The following RNF34 variants were observed in gnomAD, a reference collection of about 807,000 sequenced individuals.
RNF34 encodes ring finger protein 34.
In RNF34, 12 loss-of-function variants were observed where a neutral mutation model predicts 37.9. The ratio of observed to expected loss-of-function variants is 0.32; its 90% CI spans 0.20 to 0.51. The LOEUF (loss-of-function observed/expected upper bound fraction) is 0.51, where lower values mean the gene tolerates loss of function less well. RNF34 is among the 20% of genes least tolerant of loss of function. RNF34 has a pLI of 0.97. For synonymous variants in RNF34, 155 were observed against 177.2 expected, an observed-to-expected ratio of 0.87 and a Z score of 1.00; for missense variants, 362 against 472.7, an observed-to-expected ratio of 0.77 and a Z score of 2.17.
At chr12:121,421,852 A>G (rs1223657114) in intron 5 of RNF34, among the ~76,000 whole-genome samples, 1 of 152,174 alleles carries the variant, frequency 6.6e-6, no homozygotes, top group Non-Finnish European at 1.5e-5. Context: ...CCCTCCCATC[A>G]TTAACTTTTA....
intron 4 of RNF34, 111 bp from the exon 5 acceptor site, chr12:121,420,466 C>T (rs552464462): frequency 1.3e-6 from 2 of 1,560,344 alleles, no homozygotes; most frequent in African/African-American, 1.4e-5. Context: ...TACTGAAACA[C>T]TTCTAGGACT....
intron 1 of RNF34, among the ~76,000 whole-genome samples, chr12:121,404,362 CT>C (rs1231032069): frequency 7.4e-6 from 1 of 134,710 alleles, no homozygotes; most frequent in East Asian, 2.2e-4. Flanking sequence ...CCCTATACTT[CT>C]CTTGTGTCTG....
rs1555283666 is a variant in RNF34, at chr12:121,423,037, AC to A, written c.929-348del. ...AGCATCCTGACTCCAAAGCCCATCT[AC>A]AGAAGACCAGCTGAGGGTTTCTTTT... On this transcript the variant is annotated intron_variant, in intron 5 of 5. Coordinates refer to ENST00000361234, the MANE Select transcript of RNF34 (RefSeq NM_025126.4). The surrounding 1 kb of genome is among the most constrained non-coding windows in gnomAD (Gnocchi z 4.3). 2.0e-5 allele frequency among the ~76,000 whole-genome samples: 3 copies of A among 152,234 alleles called. No individual in the cohort carries two copies. Among genetic ancestry groups the A allele is most frequent in the African/African-American group, 7.2e-5 (3 of 41,468 alleles).
rs1359999021 is a variant in RNF34, at chr12:121,420,559, G to C, written c.727-18G>C. The C allele has an allele frequency of 8.1e-6, 13 of 1,612,902 alleles. No homozygotes were observed. The highest frequency in any genetic ancestry group is 1.7e-5 in the Admixed American group (1 of 60,004). On this transcript the variant is annotated intron_variant, in intron 4 of 5. Coordinates refer to ENST00000361234, the MANE Select transcript of RNF34 (RefSeq NM_025126.4). ...TGGACTTATGGGACCAGGGCTAATGGATGCTCTGTGGTTTCAGAACCCCGG... is the reference window on the plus strand; with the variant it reads ...TGGACTTATGGGACCAGGGCTAATGCATGCTCTGTGGTTTCAGAACCCCGG...
intron 5 of RNF34, among the ~76,000 whole-genome samples, chr12:121,421,371 TAAAAAAAAAAAAAA>T (rs11398833): frequency 2.6e-4 from 12 of 46,378 alleles, no homozygotes; most frequent in Non-Finnish European, 4.8e-4. Flanking sequence ...ATCCCATCTC[TAAAAAAAAAAAAAA>T]AAAAAAAAAA....
At chr12:121,421,574 A>G (rs1243940957) in intron 5 of RNF34, among the ~76,000 whole-genome samples, 4 of 152,042 alleles carry the variant, frequency 2.6e-5, no homozygotes, top group African/African-American at 9.7e-5. Context: ...TCTCAACTAT[A>G]CATTGATGAA....
intron 1 of RNF34, among the ~76,000 whole-genome samples, chr12:121,410,393 C>T (rs923696274): frequency 4.6e-5 from 7 of 151,772 alleles, no homozygotes; most frequent in African/African-American, 1.2e-4. Flanking sequence ...AAAAATTAGC[C>T]GGGTGTGGTG....
At chr12:121,414,499 A>AG (rs782684013) in intron 1 of RNF34, among the ~76,000 whole-genome samples, 1 of 152,214 alleles carries the variant, frequency 6.6e-6, no homozygotes. Flanking sequence ...GGTGGCTCAA[A>AG]GAGAGGGAAG....
At chr12:121,411,718 G>A (rs1871084572) in intron 1 of RNF34, among the ~76,000 whole-genome samples, 1 of 152,170 alleles carries the variant, frequency 6.6e-6, no homozygotes, top group African/African-American at 2.4e-5. Flanking sequence ...GTCATACCAT[G>A]GTGGAAAGAG....
intron 5 of RNF34, among the ~76,000 whole-genome samples, chr12:121,421,321 G>GAGC (rs1872106783): frequency 7.2e-6 from 1 of 138,106 alleles, no homozygotes. Context: ...AGGATCACTT[G>GAGC]AGCCCAGGAG....
intron 1 of RNF34, among the ~76,000 whole-genome samples, chr12:121,413,428 T>TTTTTTTTTTC (rs1871281536): frequency 6.7e-6 from 1 of 148,922 alleles, no homozygotes; most frequent in South Asian, 2.1e-4. Context: ...TTTTTTTTTT[T>TTTTTTTTTTC]TGAGACGGAG....
chr12:121,417,944 C>A lies in RNF34; in HGVS notation c.633+33C>A, dbSNP rs370742713. On this transcript the variant is annotated intron_variant, in intron 3 of 5. Coordinates refer to ENST00000361234, the MANE Select transcript of RNF34 (RefSeq NM_025126.4). The surrounding 1 kb of genome is among the most constrained non-coding windows in gnomAD (Gnocchi z 5.0). Reference sequence around the variant, plus strand: ...GGGGTAACTAATTACACCCAGGGCCCGGCACGCTTATTCTTGGCCGTATAT... The same window carrying A: ...GGGGTAACTAATTACACCCAGGGCCAGGCACGCTTATTCTTGGCCGTATAT... 6.3e-7 allele frequency: 1 copy of A among 1,597,916 alleles called. No homozygotes were observed. Among genetic ancestry groups the A allele is most frequent in the Admixed American group, 1.8e-5 (1 of 57,058 alleles).
At chr12:121,413,232 G>GAAC (rs758841599) in intron 1 of RNF34, among the ~76,000 whole-genome samples, 13 of 151,022 alleles carry the variant, frequency 8.6e-5, no homozygotes, top group Non-Finnish European at 1.9e-4. Context: ...TCGCCATGTT[G>GAAC]TCCAGGCTGT....
chr12:121,422,288 T>C (rs894188424), intron 5 of RNF34, among the ~76,000 whole-genome samples: 14 of 152,182 alleles, frequency 9.2e-5, no homozygotes, highest in Admixed American at 8.5e-4. Context: ...AGCTGGCATC[T>C]TTCCTAGCTT....
chr12:121,418,030 C>T, intron 3 of RNF34, 119 bp downstream of exon 3: 1 of 1,056,562 alleles, frequency 9.5e-7, no homozygotes, highest in Non-Finnish European at 1.4e-6. Context: ...TGGAGTGAAG[C>T]TTCCACACCC....
chr12:121,415,591 G>A lies in RNF34; in HGVS notation c.7-568G>A, dbSNP rs570168559. On this transcript the variant is annotated intron_variant, in intron 1 of 5. Coordinates refer to ENST00000361234, the MANE Select transcript of RNF34 (RefSeq NM_025126.4). ...AGATTGCGCCACTGTACTCCAGCCTGGTTGACAATGAGACCCTGTTTTTAA... is the reference window on the plus strand; with the variant it reads ...AGATTGCGCCACTGTACTCCAGCCTAGTTGACAATGAGACCCTGTTTTTAA... Among the ~76,000 whole-genome samples, 46 of 152,180 alleles carry A rather than the reference G, an allele frequency of 3.0e-4. No individual in the cohort carries two copies. In the South Asian group the frequency reaches 9.3e-3, roughly 31 times the overall value.
At chr12:121,410,569 GA>G (rs797040296) in intron 1 of RNF34, among the ~76,000 whole-genome samples, 297 of 146,952 alleles carry the variant, frequency 2.0e-3, no homozygotes, top group African/African-American at 5.0e-3. Context: ...TGCTGGATGG[GA>G]AAAAAAAAAA....
chr12:121,414,329 T>C (rs1871363699), intron 1 of RNF34, among the ~76,000 whole-genome samples: 1 of 152,272 alleles, frequency 6.6e-6, no homozygotes, highest in Non-Finnish European at 1.5e-5. Context: ...GCCTATTCGT[T>C]CTAAACACTA....
chr12:121,404,309 G>C lies in RNF34; in HGVS notation c.6+4091G>C, dbSNP rs532415138. Among the ~76,000 whole-genome samples, 4 of 145,992 alleles carry C rather than the reference G, an allele frequency of 2.7e-5. No individual in the cohort carries two copies. The South Asian group carries it at 8.9e-4, about 32-fold the overall frequency. ...GGCTTGAGCCATGGCACCTGGCCTAGTTGTCTGTTTTCATACTCATAAACT... is the reference window on the plus strand; with the variant it reads ...GGCTTGAGCCATGGCACCTGGCCTACTTGTCTGTTTTCATACTCATAAACT... On this transcript the variant is annotated intron_variant, in intron 1 of 5. Transcript: ENST00000361234.
Sources: gnomAD v4.1 joint callset for allele counts (sites outside exome capture counted in the v4.1 genomes callset) on GRCh38, gnomAD v4.1.1 for gene constraint, Gnocchi (gnomAD v3.1) non-coding constraint, MANE v1.5 for transcripts, NCBI Gene and HGNC (gene_info 2026-07-23, HGNC 2026-07-21) for gene names.